Variants in MAOB observed in about 807,000 individuals in gnomAD.
The protein encoded by MAOB is amine oxidase [flavin-containing] B.
Under a neutral mutation model 41.9 loss-of-function variants are expected in MAOB, and 15 were observed. The ratio of observed to expected loss-of-function variants is 0.36; its 90% CI spans 0.24 to 0.55. The LOEUF (loss-of-function observed/expected upper bound fraction) is 0.55. Among genes scored for constraint, MAOB ranks in the 20% least tolerant of loss-of-function variants. The pLI is 0.86. For synonymous variants in MAOB, 167 were observed against 144.2 expected (o/e 1.16, Z -1.13); for missense variants, 345 against 398.7 (o/e 0.87, Z 1.15).
At chrX:43,848,700 A>G (rs1257340103) in intron 1 of MAOB, among the ~76,000 whole-genome samples, 1 of 111,824 alleles carries the variant, frequency 8.9e-6, no homozygotes, top group Admixed American at 9.4e-5. Context: ...ATTACACGCA[A>G]GCACCACTAC....
At chrX:43,840,641 G>A (rs751522736) in intron 2 of MAOB, among the ~76,000 whole-genome samples, 1 of 111,025 alleles carries the variant, frequency 9.0e-6, no homozygotes, top group African/African-American at 3.3e-5. Context: ...CATAGAGGAT[G>A]AGCCTAAGCA....
At chrX:43,866,265 G>T (rs1031825221) in intron 1 of MAOB, among the ~76,000 whole-genome samples, 2 of 111,906 alleles carry the variant, frequency 1.8e-5, no homozygotes, top group African/African-American at 6.5e-5. Context: ...GGGCAGGAAT[G>T]AGGTGAAGTT....
In MAOB at chrX:43,781,521, C is replaced by T; in HGVS notation, c.952G>A (p.Asp318Asn). ...KKDYCGTMIIDGEEAPVAYTL... is the reference protein window; with the variant it reads ...KKDYCGTMIINGEEAPVAYTL... ...TAGGCAACTGGAGCTTCTTCTCCAT[C>T]AATAATCATGGTTCCACAGTAATCT... The change falls in exon 9 of 15, where the codon GAT (aspartate) becomes AAT (asparagine). Residue 318 changes from aspartate (D) to asparagine (N), a missense_variant. By Grantham distance (23) the Asp-to-Asn change is conservative. Transcript: ENST00000378069. 3 of 1,187,348 alleles carry T rather than the reference C, an allele frequency of 2.5e-6. No individual in the cohort carries two copies. Among genetic ancestry groups the T allele is most frequent in the Non-Finnish European group, 3.4e-6 (3 of 876,853 alleles).
intron 3 of MAOB, among the ~76,000 whole-genome samples, chrX:43,827,748 T>G (rs2034967236): frequency 8.9e-6 from 1 of 111,884 alleles, no homozygotes; most frequent in Non-Finnish European, 1.9e-5. Flanking sequence ...CTTGGCACAC[T>G]AGAAGCCAGA....
chrX:43,793,745 C>A (rs1337697243), intron 7 of MAOB, among the ~76,000 whole-genome samples, 167 bp from the exon 8 acceptor site: 1 of 111,943 alleles, frequency 8.9e-6, no homozygotes, highest in Non-Finnish European at 1.9e-5. Flanking sequence ...TCAAAACCTC[C>A]AATGACTTCC....
chrX:43,859,200 G>A (rs910924294), intron 1 of MAOB, among the ~76,000 whole-genome samples: 26 of 110,807 alleles, frequency 2.3e-4, no homozygotes, highest in Non-Finnish European at 4.2e-4. Context: ...TTCACTTTAG[G>A]ATATCTGCTC....
At chrX:43,840,534 T>G in intron 2 of MAOB, among the ~76,000 whole-genome samples, 1 of 109,586 alleles carries the variant, frequency 9.1e-6, no homozygotes, top group South Asian at 3.9e-4. Context: ...AGTCTGCAGT[T>G]CCCAGTGAGA....
chrX:43,794,973 G>T (rs1476737869), intron 7 of MAOB, among the ~76,000 whole-genome samples: 1 of 109,897 alleles, frequency 9.1e-6, no homozygotes, highest in African/African-American at 3.3e-5. Flanking sequence ...AGACTTCTGT[G>T]ACCAAATGTG....
chrX:43,822,780 GT>G lies in MAOB; in HGVS notation c.279+16087del, dbSNP rs1420447822. ...AGGAGAAGTCATGAGCACAAAGAAA[GT>G]GGGTATGAGAAATAAGGATTGTGAT... On this transcript the variant is annotated intron_variant, in intron 3 of 14. Transcript: ENST00000378069. 2.5e-3 allele frequency among the ~76,000 whole-genome samples: 273 copies of G among 111,192 alleles called. 1 individual carries two copies. Among genetic ancestry groups the G allele is most frequent in the African/African-American group, 8.5e-3 (261 of 30,603 alleles).
intron 1 of MAOB, among the ~76,000 whole-genome samples, chrX:43,868,242 T>C (rs911446141): frequency 3.6e-5 from 4 of 112,539 alleles, no homozygotes; most frequent in Admixed American, 9.4e-5. Flanking sequence ...GCTAGTTTTC[T>C]GATCACAAAC....
chrX:43,802,059 T>G lies in MAOB; in HGVS notation c.476+113A>C. 2.5e-4 allele frequency: 142 copies of G among 577,114 alleles called. 1 individual carries two copies. Among genetic ancestry groups the G allele is most frequent in the Non-Finnish European group, 8.7e-6 (3 of 344,279 alleles). 47.6% of individuals were successfully genotyped at this position (577,114 alleles called of 1,213,427 possible). ...TGGTTTTCAGCATGCCACTGGCTGGTGGTGTGGTTTTAGACACAAAGCAGC... is the reference window on the plus strand; with the variant it reads ...TGGTTTTCAGCATGCCACTGGCTGGGGGTGTGGTTTTAGACACAAAGCAGC... On this transcript the variant is annotated intron_variant, in intron 5 of 14. Transcript: ENST00000378069.
At chrX:43,804,552 GAGAGAC>G (rs2034638805) in intron 3 of MAOB, among the ~76,000 whole-genome samples, 1 of 111,613 alleles carries the variant, frequency 9.0e-6, no homozygotes, top group Non-Finnish European at 1.9e-5. Flanking sequence ...TAGATGGAGA[GAGAGAC>G]AGAGACAGAG....
intron 10 of MAOB, 38 bp from the exon 11 acceptor site, chrX:43,778,777 A>G: frequency 1.8e-6 from 2 of 1,088,102 alleles, no homozygotes; most frequent in South Asian, 2.0e-5. Flanking sequence ...AATAAAGGAA[A>G]GAAGGGAGGG....
chrX:43,874,578 C>A (rs995483399), intron 1 of MAOB, among the ~76,000 whole-genome samples: 1 of 111,546 alleles, frequency 9.0e-6, no homozygotes, highest in South Asian at 3.8e-4. Context: ...TTCAATTGCT[C>A]GTTTTTGGAT....
At chrX:43,880,018 T>C (rs929379598) in intron 1 of MAOB, among the ~76,000 whole-genome samples, 6 of 112,015 alleles carry the variant, frequency 5.4e-5, no homozygotes, top group Admixed American at 1.9e-4. Context: ...TCAGACAGAG[T>C]TTGATGTTCT....
At chrX:43,830,505 T>A in intron 3 of MAOB, among the ~76,000 whole-genome samples, 1 of 112,446 alleles carries the variant, frequency 8.9e-6, no homozygotes, top group East Asian at 2.8e-4. Flanking sequence ...TTAGCCTGTT[T>A]GGGCATGTGA....
intron 12 of MAOB, among the ~76,000 whole-genome samples, chrX:43,774,200 A>C (rs777931246): frequency 8.9e-6 from 1 of 111,956 alleles, no homozygotes; most frequent in South Asian, 3.7e-4. Flanking sequence ...CATCCTGTTT[A>C]GATTAAGCTT....
intron 1 of MAOB, among the ~76,000 whole-genome samples, chrX:43,875,863 T>TGAAG (rs2035436200): frequency 8.9e-6 from 1 of 111,861 alleles, no homozygotes; most frequent in African/African-American, 3.2e-5. Context: ...CAAGACAAAT[T>TGAAG]GAAGAGACAA....
At position 43,833,097 on chromosome X, in the gene MAOB, C is replaced by G. The variant is rs761430095; in HGVS notation, c.279+5771G>C. 2.0e-4 allele frequency among the ~76,000 whole-genome samples: 22 copies of G among 111,242 alleles called. No individual in the cohort carries two copies. The East Asian group carries it at 6.2e-3, about 31-fold the overall frequency. ...GCTCTTTGCAGTGTGTTCTTGACAC[C>G]CAAAAGCCTCAACTCATGCTCTGAC... On this transcript the variant is annotated intron_variant, in intron 3 of 14. Coordinates refer to ENST00000378069, the MANE Select transcript of MAOB (RefSeq NM_000898.5).
Sources: allele counts gnomAD v4.1 joint callset (sites outside exome capture counted in the v4.1 genomes callset), GRCh38; gene constraint gnomAD v4.1.1; transcripts MANE v1.5; gene names NCBI Gene and HGNC (gene_info 2026-07-23, HGNC 2026-07-21).